Variants in RASGRF1 observed in about 807,000 individuals in gnomAD.
RASGRF1 encodes Ras protein specific guanine nucleotide releasing factor 1, also known as ras-specific guanine nucleotide-releasing factor 1.
In RASGRF1, 40 loss-of-function variants were observed where a neutral mutation model predicts 138.7. The ratio of observed to expected loss-of-function variants is 0.29; its 90% CI spans 0.22 to 0.38. The LOEUF is 0.38. Ranked by LOEUF, RASGRF1 falls within the 10% of genes least tolerant of loss-of-function variation. RASGRF1 has a pLI of 1.00. For synonymous variants in RASGRF1, 614 were observed against 663.2 expected, an observed-to-expected ratio of 0.93 and a Z score of 1.14; for missense variants, 1,108 against 1,650.4, an observed-to-expected ratio of 0.67 and a Z score of 5.69.
chr15:79,088,770 T>C (rs1366494890), intron 1 of RASGRF1, among the ~76,000 whole-genome samples: 1 of 152,250 alleles, frequency 6.6e-6, no homozygotes, highest in Non-Finnish European at 1.5e-5. Context: ...TAGTCTGGCC[T>C]GGGACTGGCT....
chr15:78,961,996 C>T lies in RASGRF1; in HGVS notation c.*148G>A, dbSNP rs781435136. ...TGAAACGGTGCAGAAATTCATATTCCGGTTCTACAGGAATCTAAGAACAAG... is the reference window on the plus strand; with the variant it reads ...TGAAACGGTGCAGAAATTCATATTCTGGTTCTACAGGAATCTAAGAACAAG... On this transcript the variant is annotated 3_prime_UTR_variant, in exon 27 of 27. Coordinates refer to ENST00000558480, the MANE Select transcript of RASGRF1 (RefSeq NM_001145648.3). 52 of 611,636 alleles carry T rather than the reference C, an allele frequency of 8.5e-5. No homozygotes were observed. Among genetic ancestry groups the T allele is most frequent in the African/African-American group, 1.5e-4 (8 of 53,876 alleles). The allele number at this position is 611,636 out of a possible 1,614,324, so 37.9% of individuals were successfully genotyped here.
intron 22 of RASGRF1, among the ~76,000 whole-genome samples, chr15:78,989,602 T>C (rs1473182381): frequency 6.6e-6 from 1 of 151,978 alleles, no homozygotes; most frequent in African/African-American, 2.4e-5. Flanking sequence ...CAAAAGACCA[T>C]CTTACCACAA....
At chr15:79,025,579 C>T in intron 9 of RASGRF1, 105 bp from the exon 10 acceptor site, 1 of 1,364,620 alleles carries the variant, frequency 7.3e-7, no homozygotes, top group Non-Finnish European at 1.0e-6. Context: ...TGGGACAAGT[C>T]CATTCTGTTT....
intron 5 of RASGRF1, among the ~76,000 whole-genome samples, chr15:79,043,511 C>T (rs1242933042): frequency 6.6e-6 from 1 of 152,196 alleles, no homozygotes; most frequent in African/African-American, 2.4e-5. Flanking sequence ...AGGTACCATT[C>T]CTGGGGAAGC....
At chr15:79,008,546 A>G (rs2056732253) in intron 13 of RASGRF1, among the ~76,000 whole-genome samples, 1 of 152,220 alleles carries the variant, frequency 6.6e-6, no homozygotes, top group South Asian at 2.1e-4. Flanking sequence ...AGAGGGAGTA[A>G]TCCAAGGTCA....
chr15:78,962,608 C>T (rs866930129), intron 26 of RASGRF1, among the ~76,000 whole-genome samples: 1 of 152,264 alleles, frequency 6.6e-6, no homozygotes, highest in South Asian at 2.1e-4. Flanking sequence ...TAAGGCTGGG[C>T]GTGGTGGCTC....
At chr15:79,037,971 G>T (rs2057245304) in intron 5 of RASGRF1, among the ~76,000 whole-genome samples, 1 of 152,064 alleles carries the variant, frequency 6.6e-6, no homozygotes, top group Non-Finnish European at 1.5e-5. Context: ...TAGGGTTTGT[G>T]CTCCTTTGAG....
At chr15:78,997,597 G>T (rs62011192) in intron 19 of RASGRF1, among the ~76,000 whole-genome samples, 1 of 151,988 alleles carries the variant, frequency 6.6e-6, no homozygotes, top group African/African-American at 2.4e-5. Flanking sequence ...TTAGCTGGGC[G>T]TGGTGGCAGG....
At position 79,046,098 on chromosome 15, in the gene RASGRF1, A is replaced by G. The variant is rs1394861812; in HGVS notation, c.878+648T>C. Among the ~76,000 whole-genome samples, 1 of 152,186 alleles carries G rather than the reference A, an allele frequency of 6.6e-6. No individual in the cohort carries two copies. The highest frequency in any genetic ancestry group is 2.4e-5 in the African/African-American group (1 of 41,450). On this transcript the variant is annotated intron_variant, in intron 5 of 26. Coordinates refer to ENST00000558480, the MANE Select transcript of RASGRF1 (RefSeq NM_001145648.3). The surrounding 1 kb of genome is among the most constrained non-coding windows in gnomAD (Gnocchi z 5.3). ...TCAGCACAGCCTTCTGAAGAACCACAAGCCCCATATTAATGCCAGGGTCAC... is the reference window on the plus strand; with the variant it reads ...TCAGCACAGCCTTCTGAAGAACCACGAGCCCCATATTAATGCCAGGGTCAC...
At chr15:79,055,701 T>G (rs2057501770) in intron 3 of RASGRF1, among the ~76,000 whole-genome samples, 1 of 152,066 alleles carries the variant, frequency 6.6e-6, no homozygotes, top group Admixed American at 6.5e-5. Flanking sequence ...TGACACCATT[T>G]AAGGCCACGT....
At chr15:79,055,250 T>C (rs1254110023) in intron 3 of RASGRF1, among the ~76,000 whole-genome samples, 1 of 152,200 alleles carries the variant, frequency 6.6e-6, no homozygotes, top group Admixed American at 6.5e-5. Flanking sequence ...CTTTTCAGTG[T>C]GTCCTGCCCA....
intron 10 of RASGRF1, among the ~76,000 whole-genome samples, chr15:79,024,650 A>C (rs1026028510): frequency 4.6e-5 from 7 of 152,152 alleles, no homozygotes; most frequent in African/African-American, 1.4e-4. Context: ...AGTTTTGTAA[A>C]GGGCAGTTCC....
At chr15:78,987,789 G>A (rs1246392764) in intron 22 of RASGRF1, among the ~76,000 whole-genome samples, 1 of 152,138 alleles carries the variant, frequency 6.6e-6, no homozygotes, top group East Asian at 1.9e-4. Flanking sequence ...ATGCTGTTGT[G>A]GAGAGAGACG....
intron 24 of RASGRF1, chr15:78,978,707 T>G: frequency 9.4e-7 from 1 of 1,062,206 alleles, no homozygotes; most frequent in Non-Finnish European, 1.1e-6. Flanking sequence ...ACGCTCAGTA[T>G]TCATGCAACA....
intron 1 of RASGRF1, among the ~76,000 whole-genome samples, chr15:79,067,898 G>C (rs1233261588): frequency 6.6e-6 from 1 of 152,162 alleles, no homozygotes; most frequent in Non-Finnish European, 1.5e-5. Context: ...TCTAGAGAGA[G>C]AGGATGAGCT....
At position 78,994,926 on chromosome 15, in the gene RASGRF1, C is replaced by CTTTTTTTTTTTTT. The variant is rs72369256; in HGVS notation, c.3027+801_3027+813dup. On this transcript the variant is annotated intron_variant, in intron 20 of 26. Transcript: ENST00000558480. ...GGAGGGAGCACAACCCTTCCAGCAC[C>CTTTTTTTTTTTTT]TTTTTTTTTTTTTTTTTTGAGATGG... Among the ~76,000 whole-genome samples the CTTTTTTTTTTTTT allele has an allele frequency of 2.2e-5, 3 of 136,058 alleles. 1 individual carries two copies. Among genetic ancestry groups the CTTTTTTTTTTTTT allele is most frequent in the African/African-American group, 2.7e-5 (1 of 36,742 alleles). The allele number at this position is 136,058 out of a possible 152,430, so 89.3% of individuals were successfully genotyped here.
At chr15:79,048,904 C>T (rs1487506210) in intron 4 of RASGRF1, among the ~76,000 whole-genome samples, 1 of 152,232 alleles carries the variant, frequency 6.6e-6, no homozygotes, top group Non-Finnish European at 1.5e-5. Flanking sequence ...ACAGCCCACG[C>T]TCCTTCCCTC....
chr15:78,979,034 G>A (rs1340586788), intron 24 of RASGRF1: 6 of 1,292,802 alleles, frequency 4.6e-6, no homozygotes, highest in South Asian at 1.2e-5. Flanking sequence ...GGCGGCAGAC[G>A]AGGAAGCCAG....
chr15:79,087,107 G>A (rs1447823057), intron 1 of RASGRF1, among the ~76,000 whole-genome samples: 3 of 152,212 alleles, frequency 2.0e-5, no homozygotes, highest in African/African-American at 7.2e-5. Context: ...AGACTGGTCT[G>A]GATACAGCCA....
Sources: gnomAD v4.1 joint callset for allele counts (sites outside exome capture counted in the v4.1 genomes callset) on GRCh38, gnomAD v4.1.1 for gene constraint, Gnocchi (gnomAD v3.1) non-coding constraint, MANE v1.5 for transcripts, NCBI Gene and HGNC (gene_info 2026-07-23, HGNC 2026-07-21) for gene names.